Variants in ARB2A observed in about 807,000 individuals in gnomAD.
The protein encoded by ARB2A is ARB2 cotranscriptional regulator A, also known as cotranscriptional regulator ARB2A.
the ARB2A span, among the ~76,000 whole-genome samples, chr5:93,776,655 G>C: frequency 6.6e-6 from 1 of 152,166 alleles, no homozygotes; most frequent in Non-Finnish European, 1.5e-5. Flanking sequence ...GTGCATGCCT[G>C]TAGTCCCAGT....
At chr5:94,090,719 G>A in the ARB2A span, among the ~76,000 whole-genome samples, 10 of 152,194 alleles carry the variant, frequency 6.6e-5, no homozygotes, top group Non-Finnish European at 1.5e-4. Flanking sequence ...AGTTTATTGA[G>A]AGTTTTTAGC....
the ARB2A span, among the ~76,000 whole-genome samples, chr5:93,839,252 A>G: frequency 1.3e-5 from 2 of 152,180 alleles, no homozygotes; most frequent in Non-Finnish European, 2.9e-5. Context: ...AACATTAAAA[A>G]TGTTGAATTT....
At chr5:93,934,349 G>A in the ARB2A span, among the ~76,000 whole-genome samples, 6 of 152,128 alleles carry the variant, frequency 3.9e-5, no homozygotes, top group Non-Finnish European at 7.4e-5. Flanking sequence ...TAACTGAGAC[G>A]ATTTTGAAAA....
chr5:93,838,655 T>C, the ARB2A span, among the ~76,000 whole-genome samples: 1 of 152,340 alleles, frequency 6.6e-6, no homozygotes, highest in African/African-American at 2.4e-5. Context: ...TTTAATTACA[T>C]TGATTCTTCC....
At chr5:93,755,191 CAAGAT>C in the ARB2A span, among the ~76,000 whole-genome samples, 2 of 152,030 alleles carry the variant, frequency 1.3e-5, no homozygotes, top group Non-Finnish European at 2.9e-5. Flanking sequence ...CATATTTATA[CAAGAT>C]AAGTGAGGCA....
chr5:94,059,349 G>A, the ARB2A span, among the ~76,000 whole-genome samples: 155 of 152,066 alleles, frequency 1.0e-3, no homozygotes, highest in African/African-American at 3.4e-3. Context: ...AGGGCCAGGC[G>A]TGGTTGCTCA....
the ARB2A span, among the ~76,000 whole-genome samples, chr5:93,859,387 C>A: frequency 6.6e-6 from 1 of 151,218 alleles, no homozygotes; most frequent in Non-Finnish European, 1.5e-5. Flanking sequence ...GAATATAAAC[C>A]TAAATGTGAA....
At chr5:94,059,352 G>C in the ARB2A span, among the ~76,000 whole-genome samples, 1 of 151,998 alleles carries the variant, frequency 6.6e-6, no homozygotes, top group Non-Finnish European at 1.5e-5. Context: ...GCCAGGCGTG[G>C]TTGCTCATAC....
chr5:94,029,975 C>T, the ARB2A span, among the ~76,000 whole-genome samples: 10 of 152,098 alleles, frequency 6.6e-5, no homozygotes, highest in African/African-American at 1.2e-4. Context: ...GGGTGTCTTA[C>T]GTGGCAGCAG....
the ARB2A span, among the ~76,000 whole-genome samples, chr5:93,847,737 T>A: frequency 2.6e-5 from 4 of 152,244 alleles, no homozygotes; most frequent in Admixed American, 1.3e-4. Flanking sequence ...TGTATTAAAC[T>A]ACTACTATGG....
chr5:93,922,577 C>CGAAGG, the ARB2A span, among the ~76,000 whole-genome samples: 3 of 124,460 alleles, frequency 2.4e-5, no homozygotes, highest in Non-Finnish European at 5.0e-5. Flanking sequence ...AAGGAAAGAA[C>CGAAGG]GAAGGGAAGG....
chr5:93,797,890 A>G, the ARB2A span, among the ~76,000 whole-genome samples: 3 of 152,112 alleles, frequency 2.0e-5, no homozygotes, highest in African/African-American at 4.8e-5. Flanking sequence ...TAGCTTCTAT[A>G]TTGTTCTTTT....
At chr5:93,748,654 A>G in the ARB2A span, among the ~76,000 whole-genome samples, 1 of 152,122 alleles carries the variant, frequency 6.6e-6, no homozygotes, top group African/African-American at 2.4e-5. Flanking sequence ...AGCTGAAACC[A>G]TGCAAAGTGA....
the ARB2A span, chr5:94,050,746 G>GT: frequency 6.2e-7 from 1 of 1,604,808 alleles, no homozygotes; most frequent in Non-Finnish European, 8.5e-7. Context: ...CTAGAGCCTC[G>GT]TATCTTTTCT....
At chr5:93,853,950 A>G in the ARB2A span, among the ~76,000 whole-genome samples, 16 of 152,304 alleles carry the variant, frequency 1.1e-4, no homozygotes, top group African/African-American at 3.6e-4. Flanking sequence ...TGGCTTTGGT[A>G]TCAGGATGAT....
chr5:93,716,478 A>G, the ARB2A span, among the ~76,000 whole-genome samples: 1 of 152,148 alleles, frequency 6.6e-6, no homozygotes, highest in Non-Finnish European at 1.5e-5. Context: ...ATGAGTGATC[A>G]AGAGAAAATG....
At chr5:94,101,398 GA>G in the ARB2A span, among the ~76,000 whole-genome samples, 1 of 152,134 alleles carries the variant, frequency 6.6e-6, no homozygotes, top group Non-Finnish European at 1.5e-5. Flanking sequence ...TTTCCTCAAA[GA>G]ACTAAAAGCA....
chr5:93,895,522 A>T, the ARB2A span, among the ~76,000 whole-genome samples: 2 of 152,162 alleles, frequency 1.3e-5, no homozygotes, highest in Non-Finnish European at 2.9e-5. Flanking sequence ...ATTTGTTTTA[A>T]TATTTACATT....
At chr5:93,963,284 C>T in the ARB2A span, among the ~76,000 whole-genome samples, 1 of 151,986 alleles carries the variant, frequency 6.6e-6, no homozygotes, top group South Asian at 2.1e-4. Flanking sequence ...TATTCATTCC[C>T]AGAAAGGTAC....
Sources: allele counts gnomAD v4.1 joint callset (sites outside exome capture counted in the v4.1 genomes callset), GRCh38; gene constraint gnomAD v4.1.1; transcripts MANE v1.5; gene names NCBI Gene and HGNC (gene_info 2026-07-23, HGNC 2026-07-21).